Variants in GRIK1 observed in about 807,000 individuals in gnomAD.
GRIK1 encodes the protein glutamate receptor ionotropic, kainate 1.
GRIK1 carries 69 observed loss-of-function variants against 105.7 expected under a neutral mutation model. That is an observed-to-expected ratio of 0.65 (90% CI 0.54 to 0.80). The LOEUF is 0.80. Among genes scored for constraint, GRIK1 ranks in the 30% least tolerant of loss-of-function variants. The pLI is 0.00. For missense variants in GRIK1, 1,109 were observed against 1,167.3 expected, an observed-to-expected ratio of 0.95 and a Z score of 0.73; for synonymous variants, 438 against 431.3, an observed-to-expected ratio of 1.02 and a Z score of -0.19.
intron 1 of GRIK1, among the ~76,000 whole-genome samples, chr21:29,809,110 A>G (rs767255671): frequency 4.6e-5 from 7 of 152,168 alleles, no homozygotes; most frequent in Non-Finnish European, 1.0e-4. Flanking sequence ...AGCATCATGA[A>G]AAGTGGGAAG....
chr21:29,778,648 A>T lies in GRIK1; in HGVS notation c.119-84585T>A, dbSNP rs183735364. On this transcript the variant is annotated intron_variant, in intron 1 of 17. Coordinates refer to ENST00000327783, the MANE Select transcript of GRIK1 (RefSeq NM_001330994.2). ...TAGGGTTTTACTCTACACATGCCCT[A>T]TCAAGAATGCAATCTGTTGGCCATT... Among the ~76,000 whole-genome samples the T allele has an allele frequency of 9.0e-4, 137 of 152,336 alleles. 1 individual carries two copies. Among genetic ancestry groups the T allele is most frequent in the African/African-American group, 3.0e-3 (123 of 41,586 alleles).
chr21:29,689,707 G>A (rs1366996402), intron 3 of GRIK1, 21 bp downstream of exon 3: 7 of 1,610,254 alleles, frequency 4.3e-6, no homozygotes, highest in Non-Finnish European at 5.9e-6. Flanking sequence ...GGTCGGGTGA[G>A]GTCTTGTGTG....
intron 15 of GRIK1, 148 bp from the exon 16 acceptor site, chr21:29,555,450 A>G (rs2090227907): frequency 2.8e-6 from 2 of 703,840 alleles, no homozygotes; most frequent in Non-Finnish European, 4.8e-6. Context: ...AGGAAAGTTC[A>G]CTCCTATATT....
At chr21:29,851,336 T>C (rs1030949055) in intron 1 of GRIK1, among the ~76,000 whole-genome samples, 1 of 152,208 alleles carries the variant, frequency 6.6e-6, no homozygotes, top group Non-Finnish European at 1.5e-5. Context: ...ATTACAGGCA[T>C]GAGCCACATC....
rs1311161096 is a variant in GRIK1, at chr21:29,689,878, G to A, written c.394C>T (p.Gln132Ter). 2 of 1,613,922 alleles carry A rather than the reference G, an allele frequency of 1.2e-6. No homozygotes were observed. The highest frequency in any genetic ancestry group is 1.1e-5 in the South Asian group (1 of 91,064). ...ICNALEVPHI[Q>*]TRWKHPSVDN... ...ACCGAGGGGTGTTTCCAGCGGGTCTGTATGTGTGGAACTTCGAGAGCATTG... is the reference window on the plus strand; with the variant it reads ...ACCGAGGGGTGTTTCCAGCGGGTCTATATGTGTGGAACTTCGAGAGCATTG... The change falls in exon 3 of 18, where the codon CAG becomes TAG. Residue 132 changes from glutamine (Q) to a stop codon, truncating the protein, a stop_gained. Transcript: ENST00000327783. LOFTEE classifies it high-confidence loss of function.
At chr21:29,907,782 A>G (rs1335087904) in intron 1 of GRIK1, among the ~76,000 whole-genome samples, 2 of 152,152 alleles carry the variant, frequency 1.3e-5, no homozygotes, top group African/African-American at 4.8e-5. Context: ...ATTAAAAAAC[A>G]TAGGTGCAAA....
chr21:29,623,982 G>A (rs982149578), intron 7 of GRIK1, among the ~76,000 whole-genome samples: 11 of 152,132 alleles, frequency 7.2e-5, no homozygotes, highest in Non-Finnish European at 1.0e-4. Flanking sequence ...CGTGTTTTTT[G>A]TGTATAATGA....
intron 6 of GRIK1, among the ~76,000 whole-genome samples, chr21:29,644,119 A>G (rs949430044): frequency 6.6e-6 from 1 of 152,160 alleles, no homozygotes; most frequent in Non-Finnish European, 1.5e-5. Flanking sequence ...GATTCATTCA[A>G]CATATACTAT....
At chr21:29,753,716 T>C (rs2065263054) in intron 1 of GRIK1, among the ~76,000 whole-genome samples, 1 of 152,216 alleles carries the variant, frequency 6.6e-6, no homozygotes, top group Non-Finnish European at 1.5e-5. Flanking sequence ...CTTTGCTTTA[T>C]TAAAGAAAGC....
In GRIK1 at chr21:29,692,987, C is replaced by T. The variant is rs2063614446; in HGVS notation, c.286+909G>A. ...CAGGTGGACACAACCTATGATCTAA[C>T]TAGATTAATTCTACATGGAAACAAC... On this transcript the variant is annotated intron_variant, in intron 2 of 17. Coordinates refer to ENST00000327783, the MANE Select transcript of GRIK1 (RefSeq NM_001330994.2). Among the ~76,000 whole-genome samples, 3 of 152,192 alleles carry T rather than the reference C, an allele frequency of 2.0e-5. No individual in the cohort carries two copies. In the South Asian group the frequency reaches 6.2e-4, roughly 32 times the overall value.
At chr21:29,753,310 G>A (rs1569050490) in intron 1 of GRIK1, among the ~76,000 whole-genome samples, 3 of 152,172 alleles carry the variant, frequency 2.0e-5, no homozygotes, top group Non-Finnish European at 2.9e-5. Flanking sequence ...GTACAAATAG[G>A]TGAGAGGTAA....
intron 3 of GRIK1, among the ~76,000 whole-genome samples, chr21:29,684,363 T>C (rs981311638): frequency 6.6e-6 from 1 of 152,202 alleles, no homozygotes; most frequent in African/African-American, 2.4e-5. Flanking sequence ...ATCAACTATC[T>C]ATCTAATTGA....
chr21:29,770,819 A>G lies in GRIK1; in HGVS notation c.119-76756T>C, dbSNP rs1365358808. Among the ~76,000 whole-genome samples, 4 of 152,206 alleles carry G rather than the reference A, an allele frequency of 2.6e-5. No homozygotes were observed. The East Asian group carries it at 7.7e-4, about 29-fold the overall frequency. ...GCTTTCATGAGAAATTCATAGAGGC[A>G]AAATATTCACTTGCCTAGGTCCTCA... On this transcript the variant is annotated intron_variant, in intron 1 of 17. Coordinates refer to ENST00000327783, the MANE Select transcript of GRIK1 (RefSeq NM_001330994.2).
At chr21:29,872,355 G>C (rs2069049094) in intron 1 of GRIK1, among the ~76,000 whole-genome samples, 1 of 152,046 alleles carries the variant, frequency 6.6e-6, no homozygotes, top group African/African-American at 2.4e-5. Flanking sequence ...CATGACGCCA[G>C]CTAATTTTTT....
At chr21:29,794,095 CA>C (rs1402402687) in intron 1 of GRIK1, among the ~76,000 whole-genome samples, 4 of 152,060 alleles carry the variant, frequency 2.6e-5, no homozygotes, top group Non-Finnish European at 4.4e-5. Flanking sequence ...GATTTTACTT[CA>C]AAAAGTGACC....
chr21:29,833,299 A>T (rs2067693174), intron 1 of GRIK1, among the ~76,000 whole-genome samples: 1 of 152,084 alleles, frequency 6.6e-6, no homozygotes, highest in African/African-American at 2.4e-5. Flanking sequence ...ACTTTTTTCC[A>T]ACCTCTGCTC....
intron 1 of GRIK1, among the ~76,000 whole-genome samples, chr21:29,873,810 C>T (rs2069100048): frequency 6.6e-6 from 1 of 152,130 alleles, no homozygotes; most frequent in Admixed American, 6.5e-5. Context: ...TTAAAATCTG[C>T]GTTTTAGGAC....
At position 29,606,242 on chromosome 21, in the gene GRIK1, A is replaced by G. The variant is rs1485868154; in HGVS notation, c.1099-7305T>C. Among the ~76,000 whole-genome samples the G allele has an allele frequency of 2.0e-5, 3 of 152,196 alleles. No individual in the cohort carries two copies. The East Asian group carries it at 5.8e-4, about 29-fold the overall frequency. On this transcript the variant is annotated intron_variant, in intron 7 of 17. Coordinates refer to ENST00000327783, the MANE Select transcript of GRIK1 (RefSeq NM_001330994.2). ...AATAGAAAAGATAACCTGAAAAATT[A>G]TAATTGTATTGACCTATCGGACATT...
chr21:29,603,942 G>T (rs1225360380), intron 7 of GRIK1, among the ~76,000 whole-genome samples: 1 of 152,110 alleles, frequency 6.6e-6, no homozygotes, highest in South Asian at 2.1e-4. Flanking sequence ...TTTTTCTAGA[G>T]GCAACTTTTC....
Sources: allele counts gnomAD v4.1 joint callset (sites outside exome capture counted in the v4.1 genomes callset), GRCh38; gene constraint gnomAD v4.1.1; transcripts MANE v1.5; gene names NCBI Gene and HGNC (gene_info 2026-07-23, HGNC 2026-07-21).